PTPRM: variants seen among roughly 807,000 people sequenced by gnomAD.
PTPRM encodes receptor-type tyrosine-protein phosphatase mu.
Under a neutral mutation model 186.7 loss-of-function variants are expected in PTPRM, and 47 were observed. The ratio of observed to expected loss-of-function variants is 0.25; its 90% CI spans 0.20 to 0.32. The LOEUF (loss-of-function observed/expected upper bound fraction) is 0.32, where lower values mean the gene tolerates loss of function less well. Among genes scored for constraint, PTPRM ranks in the 10% least tolerant of loss-of-function variants. PTPRM has a pLI of 1.00. For synonymous variants in PTPRM, 668 were observed against 674.9 expected (o/e 0.99, Z 0.16); for missense variants, 1,494 against 1,865.0 (o/e 0.80, Z 3.66).
chr18:8,262,494 C>A (rs942560906), intron 19 of PTPRM, among the ~76,000 whole-genome samples: 3 of 152,206 alleles, frequency 2.0e-5, no homozygotes, highest in Non-Finnish European at 4.4e-5. Context: ...CATGTACTCG[C>A]CACCCTGCCA....
chr18:7,828,871 A>G (rs1017183919), intron 2 of PTPRM, among the ~76,000 whole-genome samples: 1 of 152,194 alleles, frequency 6.6e-6, no homozygotes, highest in African/African-American at 2.4e-5. Flanking sequence ...AAAAAATTTT[A>G]AAGATAAAAA....
chr18:8,170,639 C>T (rs2093386393), intron 14 of PTPRM, among the ~76,000 whole-genome samples: 3 of 152,052 alleles, frequency 2.0e-5, no homozygotes, highest in Admixed American at 2.0e-4. Flanking sequence ...GACTCATGGC[C>T]TGGGGAAGGA....
intron 13 of PTPRM, among the ~76,000 whole-genome samples, chr18:8,137,908 T>A (rs895436334): frequency 6.6e-6 from 1 of 152,116 alleles, no homozygotes; most frequent in African/African-American, 2.4e-5. Flanking sequence ...CTTCTGGCCT[T>A]ATTTACTGTG....
chr18:7,760,315 A>G (rs1598554536), intron 1 of PTPRM, among the ~76,000 whole-genome samples: 2 of 152,254 alleles, frequency 1.3e-5, no homozygotes, highest in African/African-American at 2.4e-5. Context: ...AGCATGTGCA[A>G]TCTTAGAGTG....
At chr18:8,024,646 T>C (rs1428673137) in intron 7 of PTPRM, among the ~76,000 whole-genome samples, 1 of 151,020 alleles carries the variant, frequency 6.6e-6, no homozygotes, top group African/African-American at 2.4e-5. Context: ...GACTGTACTT[T>C]TCACACCAAA....
At chr18:8,342,714 A>T (rs1264231568) in intron 22 of PTPRM, among the ~76,000 whole-genome samples, 2 of 152,214 alleles carry the variant, frequency 1.3e-5, no homozygotes, top group Non-Finnish European at 2.9e-5. Context: ...GATTAAAAGA[A>T]ATTTTAAATT....
intron 14 of PTPRM, among the ~76,000 whole-genome samples, chr18:8,240,443 AAGAG>A (rs535128651): frequency 2.3e-4 from 21 of 91,068 alleles, no homozygotes; most frequent in African/African-American, 4.6e-4. Flanking sequence ...CTCAAAAATA[AAGAG>A]AGAGAGAGAG....
intron 11 of PTPRM, 55 bp downstream of exon 11, chr18:8,088,906 A>C: frequency 4.5e-6 from 6 of 1,326,884 alleles, no homozygotes; most frequent in Non-Finnish European, 6.5e-6. Flanking sequence ...AATCAAGTTG[A>C]TTAATTCCTC....
intron 1 of PTPRM, among the ~76,000 whole-genome samples, chr18:7,651,596 C>T (rs972108035): frequency 4.0e-5 from 6 of 151,716 alleles, no homozygotes; most frequent in Admixed American, 6.6e-5. Context: ...GAAATAATGC[C>T]GCATATCTAC....
chr18:7,810,479 T>C (rs2044453762), intron 2 of PTPRM, among the ~76,000 whole-genome samples: 1 of 152,198 alleles, frequency 6.6e-6, no homozygotes, highest in Non-Finnish European at 1.5e-5. Context: ...ATGAATTTCT[T>C]GAGCAAAGCC....
chr18:7,910,511 T>C (rs1201222854), intron 4 of PTPRM, among the ~76,000 whole-genome samples: 1 of 152,190 alleles, frequency 6.6e-6, no homozygotes, highest in Non-Finnish European at 1.5e-5. Context: ...TTCCCATTGG[T>C]TACTTGGTGT....
intron 14 of PTPRM, among the ~76,000 whole-genome samples, chr18:8,179,382 C>T (rs2093538648): frequency 1.3e-5 from 2 of 151,962 alleles, no homozygotes; most frequent in Non-Finnish European, 2.9e-5. Flanking sequence ...TAGTTCAGTC[C>T]ATACATTTAA....
intron 4 of PTPRM, among the ~76,000 whole-genome samples, chr18:7,907,820 C>CA (rs2146571387): frequency 6.6e-6 from 1 of 150,550 alleles, no homozygotes; most frequent in Non-Finnish European, 1.5e-5. Flanking sequence ...TTTATAAAAG[C>CA]AAAAAAGTAA....
In PTPRM at chr18:8,372,043, T is replaced by C. The variant is rs148362171; in HGVS notation, c.3171+1037T>C. On this transcript the variant is annotated intron_variant, in intron 24 of 32. Transcript: ENST00000580170. ...AGGGAATTGGATTTTGGCCTTCCTC[T>C]CCACTCTATATTCTTTTTTTTTTTT... Among the ~76,000 whole-genome samples, 219 of 142,316 alleles carry C rather than the reference T, an allele frequency of 1.5e-3. 2 individuals are homozygous for C. Among genetic ancestry groups the C allele is most frequent in the African/African-American group, 5.3e-3 (204 of 38,738 alleles). 93.4% of individuals were successfully genotyped at this position (142,316 alleles called of 152,430 possible). A position where few individuals can be genotyped will look rare whatever the true frequency, so the allele number is the denominator to read the frequency against.
At chr18:8,056,932 G>A (rs1034899142) in intron 7 of PTPRM, among the ~76,000 whole-genome samples, 2 of 152,008 alleles carry the variant, frequency 1.3e-5, no homozygotes, top group African/African-American at 2.4e-5. Flanking sequence ...ACTGCTTGTA[G>A]TAGAGAAAAG....
intron 1 of PTPRM, among the ~76,000 whole-genome samples, chr18:7,576,768 G>A (rs1397763644): frequency 6.6e-6 from 1 of 152,152 alleles, no homozygotes; most frequent in African/African-American, 2.4e-5. Flanking sequence ...ACTCTGCCTG[G>A]CCCAGCCTGT....
intron 26 of PTPRM, 140 bp downstream of exon 26, chr18:8,376,737 C>G: frequency 2.0e-6 from 2 of 995,960 alleles, no homozygotes; most frequent in Admixed American, 3.4e-5. Context: ...TTCCTTCCCT[C>G]CCTCCCTCCC....
chr18:8,384,628 C>T lies in PTPRM; in HGVS notation c.3986C>T (p.Ser1329Phe). The T allele has an allele frequency of 1.9e-6, 3 of 1,614,152 alleles. No individual in the cohort carries two copies. Among genetic ancestry groups the T allele is most frequent in the Non-Finnish European group, 2.5e-6 (3 of 1,180,004 alleles). The part of the protein sequence containing the change: ...RHGPIQVEFV[S>F]ADLEEDIISR... ...GGCCCCATCCAGGTGGAATTTGTCT[C>T]TGCTGACCTGGAAGAGGACATCATC... Residue 1329 changes from serine (S) to phenylalanine (F), a missense_variant, in exon 30 of 33, where the codon TCT (serine) becomes TTT (phenylalanine). By Grantham distance (155) the Ser-to-Phe change is radical. Around this residue, in one of 3 missense-constraint regions of PTPRM, gnomAD observed 1,107 missense variants for 1,350.2 expected, o/e 0.82. Coordinates refer to ENST00000580170, the MANE Select transcript of PTPRM (RefSeq NM_001105244.2).
At chr18:7,598,359 A>G (rs575795407) in intron 1 of PTPRM, among the ~76,000 whole-genome samples, 4 of 152,358 alleles carry the variant, frequency 2.6e-5, no homozygotes, top group South Asian at 4.1e-4. Context: ...TAGTTATACA[A>G]ACTTTCATAG....
Sources: allele counts gnomAD v4.1 joint callset (sites outside exome capture counted in the v4.1 genomes callset), GRCh38; gene constraint gnomAD v4.1.1; regional missense constraint gnomAD v4.1.1; transcripts MANE v1.5; gene names NCBI Gene and HGNC (gene_info 2026-07-23, HGNC 2026-07-21).